Variants in CCDC40 observed in about 807,000 individuals in gnomAD.
CCDC40 encodes the protein coiled-coil domain 40 molecular ruler complex subunit, also known as coiled-coil domain-containing protein 40.
Under a neutral mutation model 124.5 loss-of-function variants are expected in CCDC40, and 104 were observed. The observed-to-expected ratio is 0.84, with a 90% CI of 0.71 to 0.98. The LOEUF is 0.98. Ranked by LOEUF, CCDC40 falls within the 50% of genes least tolerant of loss-of-function variation. The pLI is 0.00. For synonymous variants in CCDC40, 580 were observed against 602.9 expected, an observed-to-expected ratio of 0.96 and a Z score of 0.56; for missense variants, 1,463 against 1,503.9, an observed-to-expected ratio of 0.97 and a Z score of 0.45.
At chr17:80,077,997 C>A (rs1598527709) in intron 10 of CCDC40, among the ~76,000 whole-genome samples, 1 of 152,124 alleles carries the variant, frequency 6.6e-6, no homozygotes, top group African/African-American at 2.4e-5. Context: ...TAAATATTTT[C>A]TTTCCTGATT....
At chr17:80,090,743 TA>T in intron 17 of CCDC40, 1 of 1,391,040 alleles carries the variant, frequency 7.2e-7, no homozygotes, top group Non-Finnish European at 9.3e-7. Context: ...GTCATCAAGC[TA>T]AAGGTTCAGG....
intron 10 of CCDC40, among the ~76,000 whole-genome samples, chr17:80,068,791 GT>G (rs2038114935): frequency 6.6e-6 from 1 of 152,064 alleles, no homozygotes; most frequent in Non-Finnish European, 1.5e-5. Flanking sequence ...GTGTAACTGA[GT>G]ATAATAGCCC....
At chr17:80,059,261 C>T (rs563760490) in intron 9 of CCDC40, among the ~76,000 whole-genome samples, 25 of 152,274 alleles carry the variant, frequency 1.6e-4, no homozygotes, top group African/African-American at 6.0e-4. Context: ...CAGCTTGCTG[C>T]GGGGATGCTC....
At position 80,039,917 on chromosome 17, in the gene CCDC40, G is replaced by T; in HGVS notation, c.199G>T (p.Gly67Trp). ...CCAAGCGGAAGCTGCAATTGAAGAG[G>T]GGGAGGTGGAGACAGAAGGGGAAGC... The part of the protein sequence containing the change: ...TTQAEAAIEE[G>W]EVETEGEAAV... Residue 67 changes from glycine to tryptophan, a missense_variant, in exon 3 of 20, where the codon GGG becomes TGG. Physicochemically the swap from Gly to Trp is radical, Grantham distance 184 (BLOSUM62 -2). Transcript: ENST00000397545. The T allele has an allele frequency of 6.2e-7, 1 of 1,613,470 alleles. No homozygotes were observed. Among genetic ancestry groups the T allele is most frequent in the Non-Finnish European group, 8.5e-7 (1 of 1,179,572 alleles).
Position 80,048,746 on chromosome 17 carries a change from T to A in CCDC40, c.840T>A (p.Val280=). ...AAGACGAAGGGTCCCAGCTGGTGGT[T>A]TTGGACCCAGACCACGTAAGGAAGC... ...EAEDEGSQLV[V]LDPDHPLMVR... Residue 280 remains valine (V), a synonymous_variant, in exon 5 of 20, where the codon GTT becomes GTA. Coordinates refer to ENST00000397545, the MANE Select transcript of CCDC40 (RefSeq NM_017950.4). 6.2e-7 allele frequency: 1 copy of A among 1,611,646 alleles called. No homozygotes were observed. Among genetic ancestry groups the A allele is most frequent in the Non-Finnish European group, 8.5e-7 (1 of 1,178,872 alleles).
At chr17:80,065,765 T>G (rs1598511304) in intron 10 of CCDC40, among the ~76,000 whole-genome samples, 159 bp downstream of exon 10, 1 of 139,518 alleles carries the variant, frequency 7.2e-6, no homozygotes, top group Non-Finnish European at 1.5e-5. Context: ...TCCCTCATTG[T>G]TTGGTAAGAT....
chr17:80,036,690 C>T lies in CCDC40; in HGVS notation c.28C>T (p.Arg10Trp). Reference sequence around the variant, plus strand: ...GGCGGAACCGGGCGGCGCGGCGGGCCGGTAAGCCGGGCCGAGGGGCAGCGG... The same window carrying T: ...GGCGGAACCGGGCGGCGCGGCGGGCTGGTAAGCCGGGCCGAGGGGCAGCGG... MAEPGGAAGRSHPEDGSASE... is the reference protein window; with the variant it reads MAEPGGAAGWSHPEDGSASE... The change falls in exon 1 of 20, where the codon CGG becomes TGG. Residue 10 changes from arginine (R) to tryptophan (W), a missense_variant and splice_region_variant. By Grantham distance (101) the Arg-to-Trp change is moderately radical. Coordinates refer to ENST00000397545, the MANE Select transcript of CCDC40 (RefSeq NM_017950.4). 3.4e-6 allele frequency: 5 copies of T among 1,462,746 alleles called. No homozygotes were observed. The highest frequency in any genetic ancestry group is 1.3e-5 in the South Asian group (1 of 75,350). The allele number at this position is 1,462,746 out of a possible 1,614,324, so 90.6% of individuals were successfully genotyped here. A position where few individuals can be genotyped will look rare whatever the true frequency, so the allele number is the denominator to read the frequency against.
At chr17:80,047,999 G>T (rs372949802) in intron 4 of CCDC40, among the ~76,000 whole-genome samples, 1 of 152,174 alleles carries the variant, frequency 6.6e-6, no homozygotes. Context: ...AGCCGGGCGC[G>T]GTGGCTCACG....
chr17:80,045,020 C>T (rs539120446), intron 3 of CCDC40, among the ~76,000 whole-genome samples: 2 of 152,304 alleles, frequency 1.3e-5, no homozygotes, highest in South Asian at 4.1e-4. Flanking sequence ...CACTGCTGCG[C>T]ACCCTGGAGA....
intron 10 of CCDC40, among the ~76,000 whole-genome samples, chr17:80,074,631 A>G (rs959512277): frequency 6.6e-6 from 1 of 152,174 alleles, no homozygotes; most frequent in African/African-American, 2.4e-5. Flanking sequence ...GAAAAAAGGA[A>G]AGAAAGAAAA....
At chr17:80,069,432 T>G (rs2038133135) in intron 10 of CCDC40, among the ~76,000 whole-genome samples, 1 of 152,198 alleles carries the variant, frequency 6.6e-6, no homozygotes, top group Non-Finnish European at 1.5e-5. Flanking sequence ...TTATTCTGTT[T>G]CCTGTTTAAG....
Position 80,087,988 on chromosome 17 carries a change from G to A in CCDC40, c.2620-23G>A, listed in dbSNP as rs552819342. The A allele has an allele frequency of 2.6e-6, 4 of 1,555,016 alleles. No individual in the cohort carries two copies. In the South Asian group the frequency reaches 4.4e-5, roughly 17 times the overall value. On this transcript the variant is annotated intron_variant, in intron 15 of 19. Transcript: ENST00000397545. This position sits in a 1 kb window ranked among gnomAD's most constrained non-coding sequence, Gnocchi z 4.5. ...CAATCCCATGGCCCTCCCCACAGCT[G>A]TCCCGCCCCCTCCCCCATGCAGGCC... is the stretch of plus-strand genomic sequence containing the variant.
At chr17:80,098,163 C>T (rs2038845449) in intron 19 of CCDC40, among the ~76,000 whole-genome samples, 1 of 152,190 alleles carries the variant, frequency 6.6e-6, no homozygotes, top group South Asian at 2.1e-4. Context: ...CCCGGCAAGG[C>T]AGAAGCCTGA....
At chr17:80,090,270 C>T in intron 17 of CCDC40, 6 of 1,147,996 alleles carry the variant, frequency 5.2e-6, no homozygotes, top group Non-Finnish European at 4.7e-6. Context: ...CGCGCGGGCA[C>T]GTGCACGAAC....
rs1465697224 is a variant in CCDC40 at position 80,100,217 on chromosome 17, T to C, written c.*442T>C. 6 of 236,570 alleles carry C rather than the reference T, an allele frequency of 2.5e-5. No homozygotes were observed. The highest frequency in any genetic ancestry group is 5.1e-5 in the Non-Finnish European group (6 of 117,098). 14.7% of individuals were successfully genotyped at this position (236,570 alleles called of 1,614,324 possible). The stretch of plus-strand genomic sequence containing the variant: ...GAGGCTGGTCCCCCCAGCACTTCCC[T>C]CTACTAGGTGCATCTGAAAACCCAC... On this transcript the variant is annotated 3_prime_UTR_variant, in exon 20 of 20. Transcript: ENST00000397545.
rs557769475 is a variant in CCDC40 at position 80,097,436 on chromosome 17, C to A, written c.3180+33C>A. The A allele has an allele frequency of 1.6e-5, 26 of 1,612,340 alleles. No individual in the cohort carries two copies. The South Asian group carries it at 2.9e-4, about 18-fold the overall frequency. On this transcript the variant is annotated intron_variant, in intron 19 of 19. Coordinates refer to ENST00000397545, the MANE Select transcript of CCDC40 (RefSeq NM_017950.4). ...TGTCCCAGGAGGTCCCTGGGGATGA[C>A]GGCCATGGAACATGCCACTCACACA...
At chr17:80,092,528 A>G (rs758991395) in intron 17 of CCDC40, among the ~76,000 whole-genome samples, 1 of 152,212 alleles carries the variant, frequency 6.6e-6, no homozygotes, top group Non-Finnish European at 1.5e-5. Flanking sequence ...TGGATCAAAT[A>G]GGGTGAGACA....
At chr17:80,076,541 C>A (rs1395439600) in intron 10 of CCDC40, among the ~76,000 whole-genome samples, 15 of 150,388 alleles carry the variant, frequency 1.0e-4, no homozygotes, top group African/African-American at 3.7e-4. Flanking sequence ...CCACTGCACT[C>A]CGGCCTGGGT....
chr17:80,048,669 G>T lies in CCDC40; in HGVS notation c.763G>T (p.Glu255Ter), dbSNP rs763892619. Residue 255 changes from glutamate (E) to a stop codon, truncating the protein, a stop_gained, in exon 5 of 20, where the codon GAG becomes TAG. Coordinates refer to ENST00000397545, the MANE Select transcript of CCDC40 (RefSeq NM_017950.4). LOFTEE classifies it high-confidence loss of function. The stretch of plus-strand genomic sequence containing the variant: ...CCAGATCCAGCAGCCCAGCACCGAG[G>T]AGGGGGCCATGGCAGAGAGAGTGGA... ...QDQIQQPSTEEGAMAERVESE... is the reference protein window; with the variant it reads ...QDQIQQPSTE The T allele has an allele frequency of 1.2e-6, 2 of 1,614,020 alleles. No individual in the cohort carries two copies. The highest frequency in any genetic ancestry group is 2.7e-5 in the African/African-American group (2 of 74,932).
Sources: allele counts gnomAD v4.1 joint callset (sites outside exome capture counted in the v4.1 genomes callset), GRCh38; gene constraint gnomAD v4.1.1; non-coding constraint Gnocchi (gnomAD v3.1); transcripts MANE v1.5; gene names NCBI Gene and HGNC (gene_info 2026-07-23, HGNC 2026-07-21).